The following SAMTOR variants were observed in gnomAD, a reference collection of about 807,000 sequenced individuals.
SAMTOR encodes UPF0532 protein C7orf60.
At chr7:112,848,910 G>A in the SAMTOR span, among the ~76,000 whole-genome samples, 6 of 152,044 alleles carry the variant, frequency 3.9e-5, no homozygotes, top group Non-Finnish European at 5.9e-5. Context: ...TTAGCTGGGC[G>A]TGGTGGTACA....
the SAMTOR span, among the ~76,000 whole-genome samples, chr7:112,921,960 TCTCCCTCTCCCG>T: frequency 2.8e-4 from 43 of 151,140 alleles, no homozygotes; most frequent in Middle Eastern, 0.01. Context: ...TCCCTCTCCC[TCTCCCTCTCCCG>T]CTCCCGCTCC....
At chr7:112,899,628 T>C in the SAMTOR span, among the ~76,000 whole-genome samples, 11 of 151,774 alleles carry the variant, frequency 7.2e-5, no homozygotes, top group African/African-American at 2.2e-4. Flanking sequence ...AGGCATAAAA[T>C]CAAACTCTTA....
chr7:112,819,406 T>C, the SAMTOR span: 3 of 152,184 alleles, frequency 2.0e-5, no homozygotes, highest in South Asian at 6.2e-4. Flanking sequence ...AATGAAATAA[T>C]TCTTAGGAGT....
chr7:112,837,204 G>A, the SAMTOR span, among the ~76,000 whole-genome samples: 1 of 151,772 alleles, frequency 6.6e-6, no homozygotes, highest in Non-Finnish European at 1.5e-5. Flanking sequence ...GGCAATTGTG[G>A]ATGGGGTTGT....
the SAMTOR span, among the ~76,000 whole-genome samples, chr7:112,826,176 C>A: frequency 6.6e-6 from 1 of 151,980 alleles, no homozygotes; most frequent in African/African-American, 2.4e-5. Flanking sequence ...GAGTAATGGC[C>A]TCATAGAATG....
the SAMTOR span, among the ~76,000 whole-genome samples, chr7:112,828,010 C>G: frequency 1.3e-5 from 2 of 152,106 alleles, no homozygotes; most frequent in Admixed American, 1.3e-4. Flanking sequence ...AGCCACCATG[C>G]CCTGCCGCAA....
At chr7:112,867,933 T>A in the SAMTOR span, among the ~76,000 whole-genome samples, 1 of 152,190 alleles carries the variant, frequency 6.6e-6, no homozygotes. Flanking sequence ...AGCTCTGCCT[T>A]CTGTTAGATC....
At chr7:112,828,034 G>A in the SAMTOR span, among the ~76,000 whole-genome samples, 1 of 152,104 alleles carries the variant, frequency 6.6e-6, no homozygotes, top group African/African-American at 2.4e-5. Context: ...TTTTTGATCT[G>A]TGGTTGACTG....
chr7:112,837,537 T>C, the SAMTOR span, among the ~76,000 whole-genome samples: 2 of 152,032 alleles, frequency 1.3e-5, no homozygotes, highest in East Asian at 3.8e-4. Context: ...ATGCATTCTA[T>C]ATATTTGTGC....
At chr7:112,909,847 T>A in the SAMTOR span, among the ~76,000 whole-genome samples, 2 of 151,050 alleles carry the variant, frequency 1.3e-5, no homozygotes, top group African/African-American at 4.8e-5. Flanking sequence ...AGGAATTTGA[T>A]TGAATATTTA....
the SAMTOR span, among the ~76,000 whole-genome samples, chr7:112,849,858 GGTTTTT>G: frequency 3.3e-5 from 5 of 152,116 alleles, no homozygotes; most frequent in Non-Finnish European, 7.4e-5. Context: ...GTGATCATAT[GGTTTTT>G]GTTTTTAATT....
the SAMTOR span, among the ~76,000 whole-genome samples, chr7:112,841,890 AC>A: frequency 3.3e-5 from 5 of 152,156 alleles, no homozygotes; most frequent in Non-Finnish European, 5.9e-5. Flanking sequence ...AAGAACTGAA[AC>A]TGGACACCTT....
At chr7:112,869,371 G>GCCATC in the SAMTOR span, among the ~76,000 whole-genome samples, 1 of 151,794 alleles carries the variant, frequency 6.6e-6, no homozygotes, top group Non-Finnish European at 1.5e-5. Flanking sequence ...ACTCATAAGC[G>GCCATC]CCATCTACTG....
chr7:112,825,853 GT>G, the SAMTOR span, among the ~76,000 whole-genome samples: 2,256 of 139,388 alleles, frequency 0.016, 37 homozygotes, highest in African/African-American at 0.046. Context: ...TAAATTCTGA[GT>G]TTTTTTTTTT....
the SAMTOR span, among the ~76,000 whole-genome samples, chr7:112,845,400 A>C: frequency 2.0e-5 from 3 of 152,190 alleles, no homozygotes; most frequent in Non-Finnish European, 4.4e-5. Flanking sequence ...ACAAGAAAAA[A>C]CAACCCCATT....
chr7:112,884,264 C>G, the SAMTOR span, among the ~76,000 whole-genome samples: 1 of 152,060 alleles, frequency 6.6e-6, no homozygotes, highest in Admixed American at 6.5e-5. Flanking sequence ...ATCATTTTAC[C>G]CCAGCCCCTC....
chr7:112,928,683 A>G, the SAMTOR span, among the ~76,000 whole-genome samples: 1 of 152,098 alleles, frequency 6.6e-6, no homozygotes, highest in African/African-American at 2.4e-5. Context: ...AATAAATAGC[A>G]GTCACTCAAA....
chr7:112,908,055 T>C, the SAMTOR span, among the ~76,000 whole-genome samples: 1 of 152,148 alleles, frequency 6.6e-6, no homozygotes, highest in African/African-American at 2.4e-5. Context: ...GCACTATTTG[T>C]AGTAGCAAAA....
chr7:112,904,028 A>T, the SAMTOR span, among the ~76,000 whole-genome samples: 1 of 152,194 alleles, frequency 6.6e-6, no homozygotes, highest in African/African-American at 2.4e-5. Flanking sequence ...CAGTGAAGAT[A>T]TAACTATTAT....
Sources: allele counts gnomAD v4.1 joint callset (sites outside exome capture counted in the v4.1 genomes callset), GRCh38; gene constraint gnomAD v4.1.1; transcripts MANE v1.5; gene names NCBI Gene and HGNC (gene_info 2026-07-23, HGNC 2026-07-21).